The following LRRC7 variants were observed in gnomAD, a reference collection of about 807,000 sequenced individuals.
LRRC7 encodes the protein leucine-rich repeat-containing protein 7.
LRRC7 carries 23 observed loss-of-function variants against 175.7 expected under a neutral mutation model. That is an observed-to-expected ratio of 0.13 (90% CI 0.09 to 0.19). LRRC7 has a LOEUF of 0.19. LRRC7 is among the 10% of genes least tolerant of loss of function. LRRC7 has a pLI of 1.00. For synonymous variants in LRRC7, 685 were observed against 680.9 expected (o/e 1.01, Z -0.09); for missense variants, 1,354 against 1,904.7 (o/e 0.71, Z 5.38).
intron 3 of LRRC7, among the ~76,000 whole-genome samples, chr1:69,782,168 T>C (rs1557721851): frequency 6.6e-6 from 1 of 152,166 alleles, no homozygotes; most frequent in Non-Finnish European, 1.5e-5. Flanking sequence ...CTTGCACCTA[T>C]GTAATAGGCA....
intron 6 of LRRC7, among the ~76,000 whole-genome samples, chr1:69,836,890 G>C: frequency 6.6e-6 from 1 of 150,712 alleles, no homozygotes; most frequent in South Asian, 2.1e-4. Flanking sequence ...AAAAAAAAAA[G>C]AAAGGAAAGA....
At chr1:69,624,226 A>T (rs1421333636) in intron 1 of LRRC7, among the ~76,000 whole-genome samples, 1 of 152,184 alleles carries the variant, frequency 6.6e-6, no homozygotes, top group Admixed American at 6.5e-5. Context: ...ATTCTGGTGG[A>T]CATGTAGTAG....
intron 1 of LRRC7, among the ~76,000 whole-genome samples, chr1:69,638,657 A>G (rs1284127590): frequency 6.6e-6 from 1 of 151,804 alleles, no homozygotes. Context: ...CATTAAATAA[A>G]TTATCTAATT....
intron 1 of LRRC7, among the ~76,000 whole-genome samples, chr1:69,626,981 C>T (rs2100351521): frequency 6.6e-6 from 1 of 152,204 alleles, no homozygotes; most frequent in East Asian, 1.9e-4. Context: ...CACTGATGGA[C>T]ATTTGGGTTG....
chr1:69,586,780 G>A (rs1646420098), intron 1 of LRRC7, among the ~76,000 whole-genome samples: 1 of 152,134 alleles, frequency 6.6e-6, no homozygotes. Flanking sequence ...ATTTAAGGCT[G>A]TAATATTTGC....
At chr1:70,011,704 CTTTTG>C (rs966667347) in intron 11 of LRRC7, 88 bp from the exon 12 acceptor site, 51 of 806,732 alleles carry the variant, frequency 6.3e-5, no homozygotes, top group African/African-American at 5.0e-4. Context: ...GCATGAATAA[CTTTTG>C]TTTTGGTGAA....
chr1:69,650,794 CA>C (rs147699392), intron 1 of LRRC7, among the ~76,000 whole-genome samples: 15,872 of 152,060 alleles, frequency 0.1, 1,002 homozygotes, highest in African/African-American at 0.18. Context: ...CTGAGTGCTT[CA>C]AAATTTTCAG....
intron 7 of LRRC7, among the ~76,000 whole-genome samples, chr1:69,842,968 G>A (rs1017217502): frequency 6.6e-6 from 1 of 152,048 alleles, no homozygotes; most frequent in Admixed American, 6.6e-5. Context: ...GGAGACCAAG[G>A]CAGGCCAATC....
chr1:70,062,794 AATTG>A (rs1424606183), intron 23 of LRRC7, among the ~76,000 whole-genome samples: 4 of 152,066 alleles, frequency 2.6e-5, no homozygotes, highest in African/African-American at 9.7e-5. Context: ...ATATATTTCT[AATTG>A]ATTGATTTTA....
intron 25 of LRRC7, among the ~76,000 whole-genome samples, chr1:70,093,648 A>G (rs186378293): frequency 7.2e-4 from 109 of 152,234 alleles, no homozygotes; most frequent in Non-Finnish European, 4.3e-4. Context: ...ATTTTTTTCA[A>G]CAAGTCCTTG....
At chr1:70,031,985 G>A (rs1451519202) in intron 18 of LRRC7, among the ~76,000 whole-genome samples, 1 of 152,002 alleles carries the variant, frequency 6.6e-6, no homozygotes, top group Admixed American at 6.5e-5. Context: ...TTTTAGTAGA[G>A]ACAGTGTTTC....
intron 1 of LRRC7, among the ~76,000 whole-genome samples, chr1:69,668,935 A>T (rs1179603040): frequency 1.3e-5 from 2 of 152,136 alleles, no homozygotes; most frequent in African/African-American, 4.8e-5. Context: ...TTGGCCACAT[A>T]AATGTCTTCT....
At chr1:69,873,128 G>C (rs1685718967) in intron 7 of LRRC7, among the ~76,000 whole-genome samples, 2 of 152,134 alleles carry the variant, frequency 1.3e-5, no homozygotes, top group African/African-American at 4.8e-5. Context: ...GGAAGTGATA[G>C]TGTAAGCAAG....
intron 1 of LRRC7, among the ~76,000 whole-genome samples, chr1:69,659,432 C>G (rs1657113934): frequency 6.6e-6 from 1 of 150,544 alleles, no homozygotes; most frequent in Admixed American, 6.6e-5. Flanking sequence ...AAAAATAAAA[C>G]CAGTAAAAAA....
At chr1:69,646,296 A>G (rs1388816594) in intron 1 of LRRC7, among the ~76,000 whole-genome samples, 1 of 152,134 alleles carries the variant, frequency 6.6e-6, no homozygotes, top group Non-Finnish European at 1.5e-5. Context: ...TCTGATGAGT[A>G]TCTTTGCATA....
chr1:69,877,735 T>C (rs1570459704), intron 7 of LRRC7, among the ~76,000 whole-genome samples: 1 of 152,204 alleles, frequency 6.6e-6, no homozygotes, highest in East Asian at 1.9e-4. Flanking sequence ...TGTCCTTTTC[T>C]GAACATTTCA....
At chr1:70,092,999 T>G (rs1664141146) in intron 25 of LRRC7, among the ~76,000 whole-genome samples, 1 of 152,152 alleles carries the variant, frequency 6.6e-6, no homozygotes, top group African/African-American at 2.4e-5. Flanking sequence ...CAATGTTTAG[T>G]AGTGAAAAAC....
intron 7 of LRRC7, among the ~76,000 whole-genome samples, chr1:69,879,236 A>AAAAAAAAAAAAAAAAT (rs57611250): frequency 7.1e-6 from 1 of 141,606 alleles, no homozygotes; most frequent in African/African-American, 2.5e-5. Context: ...AAAAAAAAAA[A>AAAAAAAAAAAAAAAAT]GACTGCGCAC....
intron 10 of LRRC7, among the ~76,000 whole-genome samples, chr1:69,987,263 A>G (rs1654023094): frequency 6.6e-6 from 1 of 152,148 alleles, no homozygotes; most frequent in South Asian, 2.1e-4. Context: ...ACAAACAAAA[A>G]AAGTTTATAT....
Sources: allele counts gnomAD v4.1 joint callset (sites outside exome capture counted in the v4.1 genomes callset), GRCh38; gene constraint gnomAD v4.1.1; transcripts MANE v1.5; gene names NCBI Gene and HGNC (gene_info 2026-07-23, HGNC 2026-07-21).